The following KIAA1549L variants were observed in gnomAD, a reference collection of about 807,000 sequenced individuals.
The protein encoded by KIAA1549L is UPF0606 protein KIAA1549L.
A neutral mutation model predicts 160.7 loss-of-function variants in KIAA1549L; 88 were observed. The observed-to-expected ratio is 0.55, with a 90% CI of 0.46 to 0.65. The LOEUF (loss-of-function observed/expected upper bound fraction) is 0.65. Among genes scored for constraint, KIAA1549L ranks in the 30% least tolerant of loss-of-function variants. KIAA1549L has a pLI of 0.00. For synonymous variants in KIAA1549L, 950 were observed against 976.7 expected (o/e 0.97, Z 0.51); for missense variants, 2,258 against 2,437.5 (o/e 0.93, Z 1.55).
chr11:33,584,654 G>A (rs186925534), intron 11 of KIAA1549L, among the ~76,000 whole-genome samples: 81 of 152,352 alleles, frequency 5.3e-4, no homozygotes, highest in Non-Finnish European at 8.4e-4. Flanking sequence ...AGCCTTATGA[G>A]GTAGCTCGTA....
chr11:33,617,875 A>G (rs751637187), intron 15 of KIAA1549L, among the ~76,000 whole-genome samples: 4 of 151,426 alleles, frequency 2.6e-5, no homozygotes, highest in Admixed American at 6.6e-5. Context: ...ACAGATGGGT[A>G]GGTAGGTGGA....
chr11:33,539,969 A>G (rs1590321997), intron 1 of KIAA1549L, among the ~76,000 whole-genome samples: 1 of 152,328 alleles, frequency 6.6e-6, no homozygotes, highest in East Asian at 1.9e-4. Flanking sequence ...CATAGGAGCT[A>G]TCTTGGGAAA....
At chr11:33,495,082 C>T (rs1852782938) in intron 1 of KIAA1549L, among the ~76,000 whole-genome samples, 1 of 151,024 alleles carries the variant, frequency 6.6e-6, no homozygotes, top group Non-Finnish European at 1.5e-5. Context: ...GCATTTGCTA[C>T]TTTATTATTA....
At chr11:33,640,941 G>A (rs1045910528) in intron 16 of KIAA1549L, among the ~76,000 whole-genome samples, 5 of 152,166 alleles carry the variant, frequency 3.3e-5, no homozygotes, top group East Asian at 1.9e-4. Flanking sequence ...TCCCAGATAC[G>A]GTCCCAACCC....
chr11:33,431,518 C>T (rs1043455082), intron 1 of KIAA1549L, among the ~76,000 whole-genome samples: 2 of 152,118 alleles, frequency 1.3e-5, no homozygotes, highest in Non-Finnish European at 2.9e-5. Flanking sequence ...TATAGAGTGT[C>T]GATTGGTGCA....
At chr11:33,657,272 G>A (rs1300132459) in intron 18 of KIAA1549L, among the ~76,000 whole-genome samples, 1 of 152,120 alleles carries the variant, frequency 6.6e-6, no homozygotes. Context: ...GATTGGAGGG[G>A]CCTCATACCA....
Position 33,645,716 on chromosome 11 carries a change from A to G in KIAA1549L, c.5440A>G (p.Ile1814Val). The stretch of plus-strand genomic sequence containing the variant: ...GCCTGAAATCATAGAGGAAACCAAC[A>G]TTGACAGAGTTCCTGAGCCCCGGGG... ...TEPEIIEETN[I>V]DRVPEPRGYS... The change falls in exon 17 of 21, where the codon ATT becomes GTT. Residue 1814 changes from isoleucine (I) to valine (V), a missense_variant. Transcript: ENST00000658780. 4 of 1,613,892 alleles carry G rather than the reference A, an allele frequency of 2.5e-6. No homozygotes were observed. Among genetic ancestry groups the G allele is most frequent in the Non-Finnish European group, 3.4e-6 (4 of 1,179,804 alleles).
In KIAA1549L at chr11:33,444,255, A is replaced by C. The variant is rs576461074; in HGVS notation, c.238+67366A>C. Among the ~76,000 whole-genome samples the C allele has an allele frequency of 2.6e-5, 4 of 152,348 alleles. No individual in the cohort carries two copies. In the South Asian group the frequency reaches 8.3e-4, roughly 32 times the overall value. On this transcript the variant is annotated intron_variant, in intron 1 of 20. Coordinates refer to ENST00000658780, the MANE Select transcript of KIAA1549L (RefSeq NM_012194.3). ...ACATTGAACTGCTTCAAATCACTGG[A>C]AACAATCCAATTGAACATCCTTAGA...
rs536706590 is a variant in KIAA1549L at position 33,632,289 on chromosome 11, A to G, written c.5410-13397A>G. The stretch of plus-strand genomic sequence containing the variant: ...CCCAGGCCTCATATCTACATCCTGT[A>G]TGGACCAGTGCAAGAGGGAATTCTC... On this transcript the variant is annotated intron_variant, in intron 16 of 20. Transcript: ENST00000658780. Among the ~76,000 whole-genome samples, 39 of 152,338 alleles carry G rather than the reference A, an allele frequency of 2.6e-4. No homozygotes were observed. In the South Asian group the frequency reaches 6.6e-3, roughly 26 times the overall value.
intron 1 of KIAA1549L, chr11:33,403,382 T>TGCAGACAGAC (rs1565122054): frequency 2.8e-4 from 1 of 3,544 alleles, no homozygotes; most frequent in African/African-American, 6.3e-4. Flanking sequence ...GACAGACACA[T>TGCAGACAGAC]ACAGGGACAC....
chr11:33,402,004 G>C (rs1850511092), intron 1 of KIAA1549L, among the ~76,000 whole-genome samples: 1 of 152,222 alleles, frequency 6.6e-6, no homozygotes, highest in African/African-American at 2.4e-5. Flanking sequence ...TCCCGTGGGG[G>C]AATTTAGGAG....
At chr11:33,448,794 C>T (rs919408960) in intron 1 of KIAA1549L, among the ~76,000 whole-genome samples, 4 of 152,178 alleles carry the variant, frequency 2.6e-5, no homozygotes, top group African/African-American at 7.2e-5. Flanking sequence ...TGAAATACCT[C>T]CTCAGTAGCA....
Position 33,460,192 on chromosome 11 carries a change from A to G in KIAA1549L, c.239-81610A>G, listed in dbSNP as rs146420840. Among the ~76,000 whole-genome samples, 440 of 152,184 alleles carry G rather than the reference A, an allele frequency of 2.9e-3. 1 individual carries two copies. The highest frequency in any genetic ancestry group is 0.01 in the African/African-American group (420 of 41,520). On this transcript the variant is annotated intron_variant, in intron 1 of 20. Transcript: ENST00000658780. ...CAAACACAGCAAATGACAATCCCAA[A>G]TGCTCGCTGGCCTCTGGGAGAGACC... is the stretch of plus-strand genomic sequence containing the variant.
chr11:33,557,626 A>G lies in KIAA1549L; in HGVS notation c.3856-2123A>G, dbSNP rs558200357. On this transcript the variant is annotated intron_variant, in intron 6 of 20. Transcript: ENST00000658780. Reference sequence around the variant, plus strand: ...AAGGGACCAGTTATGGTGGCTCACAATTGTAATCCCAGTACTTTGGGAGGC... The same window carrying G: ...AAGGGACCAGTTATGGTGGCTCACAGTTGTAATCCCAGTACTTTGGGAGGC... Among the ~76,000 whole-genome samples the G allele has an allele frequency of 3.9e-5, 6 of 152,218 alleles. No homozygotes were observed. In the South Asian group the frequency reaches 8.3e-4, roughly 21 times the overall value.
chr11:33,608,053 T>TC (rs1850554233), intron 14 of KIAA1549L, among the ~76,000 whole-genome samples: 1 of 152,174 alleles, frequency 6.6e-6, no homozygotes. Context: ...GCTCCTTTCC[T>TC]CTCTTTTACT....
At chr11:33,463,046 C>T (rs1249714376) in intron 1 of KIAA1549L, among the ~76,000 whole-genome samples, 6 of 152,054 alleles carry the variant, frequency 3.9e-5, no homozygotes. Flanking sequence ...CCAGGCTGGT[C>T]TTGAACTCCC....
chr11:33,457,476 T>C (rs1851852458), intron 1 of KIAA1549L, among the ~76,000 whole-genome samples: 1 of 152,224 alleles, frequency 6.6e-6, no homozygotes, highest in Non-Finnish European at 1.5e-5. Context: ...AGGCCTAATT[T>C]GACAGGCTTC....
intron 7 of KIAA1549L, among the ~76,000 whole-genome samples, chr11:33,561,168 C>A (rs1010360568): frequency 6.6e-6 from 1 of 152,314 alleles, no homozygotes. Flanking sequence ...AGGAGATAAT[C>A]ATTCCTAACA....
Position 33,647,440 on chromosome 11 carries a change from CAT to C in KIAA1549L, c.5760+1407_5760+1408del, listed in dbSNP as rs550759214. Among the ~76,000 whole-genome samples the C allele has an allele frequency of 6.6e-3, 1,001 of 151,074 alleles. 11 individuals are homozygous for C. The highest frequency in any genetic ancestry group is 0.015 in the African/African-American group (622 of 41,048). ...ATTTATTAAGTAGCAATTACATTTC[CAT>C]ATTTGAAAAAGCATCCAATGACTGA... On this transcript the variant is annotated intron_variant, in intron 17 of 20. Coordinates refer to ENST00000658780, the MANE Select transcript of KIAA1549L (RefSeq NM_012194.3).
Sources: allele counts gnomAD v4.1 joint callset (sites outside exome capture counted in the v4.1 genomes callset), GRCh38; gene constraint gnomAD v4.1.1; transcripts MANE v1.5; gene names NCBI Gene and HGNC (gene_info 2026-07-23, HGNC 2026-07-21).